Variants in MTUS1 observed in about 807,000 individuals in gnomAD.
The protein encoded by MTUS1 is microtubule associated scaffold protein 1, also known as microtubule-associated tumor suppressor 1.
MTUS1 carries 109 observed loss-of-function variants against 120.8 expected under a neutral mutation model. The ratio of observed to expected loss-of-function variants is 0.90; its 90% CI spans 0.77 to 1.06. The LOEUF (loss-of-function observed/expected upper bound fraction) is 1.06, where lower values mean the gene tolerates loss of function less well. Among genes scored for constraint, MTUS1 ranks in the 50% least tolerant of loss-of-function variants. The pLI is 0.00. For missense variants in MTUS1, 2,210 were observed against 1,486.3 expected (o/e 1.49, Z -8.01); for synonymous variants, 737 against 550.5 (o/e 1.34, Z -4.74).
intron 3 of MTUS1, among the ~76,000 whole-genome samples, chr8:17,737,134 C>T (rs150146808): frequency 2.4e-3 from 367 of 152,240 alleles, no homozygotes; most frequent in Non-Finnish European, 3.8e-3. Context: ...TCTGCATGCA[C>T]GTAAAGGACC....
At chr8:17,685,119 C>T (rs1028135086) in intron 6 of MTUS1, among the ~76,000 whole-genome samples, 3 of 152,172 alleles carry the variant, frequency 2.0e-5, no homozygotes, top group African/African-American at 7.2e-5. Context: ...TTTAAGTTCA[C>T]TGTTAGGAGT....
chr8:17,700,647 G>C (rs1818890887), intron 6 of MTUS1, among the ~76,000 whole-genome samples: 1 of 151,380 alleles, frequency 6.6e-6, no homozygotes. Context: ...AGAAGAGGGA[G>C]GATTTCTATT....
At chr8:17,682,615 G>C (rs971352089) in intron 7 of MTUS1, among the ~76,000 whole-genome samples, 3 of 152,058 alleles carry the variant, frequency 2.0e-5, no homozygotes, top group Non-Finnish European at 4.4e-5. Context: ...AAAGACATAG[G>C]AAGGGGAAAA....
At chr8:17,764,730 C>G (rs2049327870) in intron 1 of MTUS1, among the ~76,000 whole-genome samples, 1 of 152,190 alleles carries the variant, frequency 6.6e-6, no homozygotes. Context: ...AACTGCATCC[C>G]AGTAAAATGA....
At position 17,773,255 on chromosome 8, in the gene MTUS1, T is replaced by C. The variant is rs74602064; in HGVS notation, c.-154-17294A>G. Among the ~76,000 whole-genome samples the C allele has an allele frequency of 7.9e-3, 1,208 of 152,296 alleles. 6 individuals carry two copies. The highest frequency in any genetic ancestry group is 0.012 in the Non-Finnish European group (791 of 68,018). ...TCTGAACCGAATTTTTTAAATATTT[T>C]GCAACGTCTCAGATCACCATACGTA... is the stretch of plus-strand genomic sequence containing the variant. On this transcript the variant is annotated intron_variant, in intron 1 of 14. Transcript: ENST00000693296.
chr8:17,800,598 C>T (rs528068750), intron 1 of MTUS1: 1 of 152,290 alleles, frequency 6.6e-6, no homozygotes, highest in Non-Finnish European at 1.5e-5. Context: ...ATAAGGTCAC[C>T]TTAATTAAGA....
chr8:17,730,741 T>C (rs1265916294), intron 3 of MTUS1, among the ~76,000 whole-genome samples: 1 of 152,192 alleles, frequency 6.6e-6, no homozygotes, highest in Non-Finnish European at 1.5e-5. Flanking sequence ...AAATAATGTA[T>C]GATTCTCTTT....
chr8:17,753,501 A>G (rs1227949088), intron 2 of MTUS1, among the ~76,000 whole-genome samples: 1 of 152,336 alleles, frequency 6.6e-6, no homozygotes, highest in Middle Eastern at 3.4e-3. Context: ...TTGATACAAA[A>G]TACTGAAATT....
chr8:17,760,070 T>TTTTTTTTGTTTTTTCTTTTC, intron 1 of MTUS1, among the ~76,000 whole-genome samples: 1 of 150,802 alleles, frequency 6.6e-6, no homozygotes. Context: ...TTTTTTTTTT[T>TTTTTTTTGTTTTTTCTTTTC]TTTAGCACGG....
At chr8:17,682,067 G>C (rs1272540857) in intron 7 of MTUS1, among the ~76,000 whole-genome samples, 1 of 152,160 alleles carries the variant, frequency 6.6e-6, no homozygotes, top group Non-Finnish European at 1.5e-5. Context: ...CATATGGCTA[G>C]TGGCTACCAC....
At chr8:17,647,117 T>TA (rs565891321) in intron 13 of MTUS1, 38 bp from the exon 14 acceptor site, 8,388 of 1,369,466 alleles carry the variant, frequency 6.1e-3, no homozygotes, top group South Asian at 7.4e-3. Context: ...TATACAATAT[T>TA]AAAAAAAAAA....
At chr8:17,796,470 C>G (rs1430936133) in intron 1 of MTUS1, among the ~76,000 whole-genome samples, 3 of 152,220 alleles carry the variant, frequency 2.0e-5, no homozygotes, top group Admixed American at 2.0e-4. Flanking sequence ...CTTGTTCACA[C>G]TCTAAACTTG....
In MTUS1 at chr8:17,747,639, CT is replaced by C. The variant is rs370011876; in HGVS notation, c.2092-3841del. Among the ~76,000 whole-genome samples, 1,127 of 152,246 alleles carry C rather than the reference CT, an allele frequency of 7.4e-3. 11 individuals carry two copies. Among genetic ancestry groups the C allele is most frequent in the South Asian group, 0.052 (253 of 4,822 alleles). On this transcript the variant is annotated intron_variant, in intron 2 of 14. Transcript: ENST00000693296. ...TGTCTTTTTACCAATTGAAAGTTGC[CT>C]TTTCCAAAACTACCTATGGCCTGCC...
At chr8:17,731,383 T>C (rs911446808) in intron 3 of MTUS1, among the ~76,000 whole-genome samples, 2 of 152,196 alleles carry the variant, frequency 1.3e-5, no homozygotes, top group Admixed American at 1.3e-4. Context: ...CCTTACCTCA[T>C]AGGTTCTTGT....
chr8:17,738,272 G>A (rs918507397), intron 3 of MTUS1, among the ~76,000 whole-genome samples: 6 of 152,070 alleles, frequency 3.9e-5, no homozygotes, highest in African/African-American at 9.7e-5. Flanking sequence ...TCTTTGTGCC[G>A]CTTTGTGTTT....
intron 8 of MTUS1, chr8:17,664,036 A>G (rs1045687789): frequency 1.3e-5 from 2 of 152,232 alleles, no homozygotes; most frequent in African/African-American, 4.8e-5. Context: ...TACGGCTTGC[A>G]AGAGTCCATT....
chr8:17,689,522 T>C (rs147110913), intron 6 of MTUS1, among the ~76,000 whole-genome samples: 8 of 152,318 alleles, frequency 5.3e-5, no homozygotes, highest in Non-Finnish European at 1.0e-4. Flanking sequence ...ATTTTCCATA[T>C]AGCTGGCAGG....
chr8:17,777,331 T>A lies in MTUS1; in HGVS notation c.-154-21370A>T, dbSNP rs538858155. Among the ~76,000 whole-genome samples, 4 of 151,744 alleles carry A rather than the reference T, an allele frequency of 2.6e-5. No individual in the cohort carries two copies. The South Asian group carries it at 8.4e-4, about 32-fold the overall frequency. On this transcript the variant is annotated intron_variant, in intron 1 of 14. Coordinates refer to ENST00000693296, the MANE Select transcript of MTUS1 (RefSeq NM_001363059.2). ...GGCGCACACCGGTAATCCCAGCTACTTGGAGGCTGAGGCAAGAGAATCGCT... is the reference window on the plus strand; with the variant it reads ...GGCGCACACCGGTAATCCCAGCTACATGGAGGCTGAGGCAAGAGAATCGCT...
intron 1 of MTUS1, among the ~76,000 whole-genome samples, chr8:17,782,036 GGGCT>G (rs2050912459): frequency 6.6e-6 from 1 of 152,196 alleles, no homozygotes; most frequent in South Asian, 2.1e-4. Flanking sequence ...ACCCAAGGCT[GGGCT>G]CCCATTTCAA....
Sources: gnomAD v4.1 joint callset for allele counts (sites outside exome capture counted in the v4.1 genomes callset) on GRCh38, gnomAD v4.1.1 for gene constraint, MANE v1.5 for transcripts, NCBI Gene and HGNC (gene_info 2026-07-23, HGNC 2026-07-21) for gene names.